MUSK: variants seen among roughly 807,000 people sequenced by gnomAD.
The protein encoded by MUSK is muscle, skeletal receptor tyrosine-protein kinase.
A neutral mutation model predicts 88.7 loss-of-function variants in MUSK; 55 were observed. The observed-to-expected ratio is 0.62, with a 90% CI of 0.50 to 0.78. The LOEUF is 0.78. Ranked by LOEUF, MUSK falls within the 30% of genes least tolerant of loss-of-function variation. MUSK has a pLI of 0.00. For synonymous variants in MUSK, 387 were observed against 391.9 expected, an observed-to-expected ratio of 0.99 and a Z score of 0.15; for missense variants, 1,015 against 1,074.3, an observed-to-expected ratio of 0.94 and a Z score of 0.77.
At chr9:110,743,219 C>CTTAA (rs1480345600) in intron 6 of MUSK, among the ~76,000 whole-genome samples, 1 of 152,170 alleles carries the variant, frequency 6.6e-6, no homozygotes, top group Non-Finnish European at 1.5e-5. Context: ...AACCAAAACC[C>CTTAA]TTAACAGTTA....
At position 110,784,908 on chromosome 9, in the gene MUSK, C is replaced by A; in HGVS notation, c.1478C>A (p.Ser493Tyr). ...TCCTTCTCTGTCTCACCTACATACTCCATGACTGTAATAATCTCCATCATG... is the reference window on the plus strand; with the variant it reads ...TCCTTCTCTGTCTCACCTACATACTACATGACTGTAATAATCTCCATCATG... ...SSSFSVSPTY[S>Y]MTVIISIMSS... is the part of the protein sequence containing the mutation. The change falls in exon 12 of 15, where the codon TCC (serine) becomes TAC (tyrosine). Residue 493 changes from serine to tyrosine, a missense_variant. Physicochemically the swap from Ser to Tyr is moderately radical, Grantham distance 144 (BLOSUM62 -2). Coordinates refer to ENST00000374448, the MANE Select transcript of MUSK (RefSeq NM_005592.4). The A allele has an allele frequency of 6.2e-7, 1 of 1,613,860 alleles. No individual in the cohort carries two copies. The highest frequency in any genetic ancestry group is 1.1e-5 in the South Asian group (1 of 91,088).
At chr9:110,721,689 G>A (rs914812322) in intron 5 of MUSK, among the ~76,000 whole-genome samples, 2 of 152,022 alleles carry the variant, frequency 1.3e-5, no homozygotes, top group African/African-American at 2.4e-5. Flanking sequence ...ATAATTCAAT[G>A]CAATTCCCAT....
chr9:110,751,219 T>C (rs989151029), intron 7 of MUSK, among the ~76,000 whole-genome samples: 1 of 152,196 alleles, frequency 6.6e-6, no homozygotes, highest in African/African-American at 2.4e-5. Flanking sequence ...ATTCCTGTCC[T>C]AGCCCAGATG....
rs1447900794 is a variant in MUSK, at chr9:110,681,068, A to C, written c.80-1606A>C. The stretch of plus-strand genomic sequence containing the variant: ...ATATATATTATATATTATATATATA[A>C]TATTATATATATTATATAATATATA... On this transcript the variant is annotated intron_variant, in intron 1 of 14. Coordinates refer to ENST00000374448, the MANE Select transcript of MUSK (RefSeq NM_005592.4). 1.6e-4 allele frequency among the ~76,000 whole-genome samples: 2 copies of C among 12,166 alleles called. 1 individual carries two copies. Among genetic ancestry groups the C allele is most frequent in the Non-Finnish European group, 3.0e-4 (2 of 6,626 alleles). The allele number at this position is 12,166 out of a possible 152,430, so 8.0% of individuals were successfully genotyped here.
chr9:110,778,799 A>G (rs1230793187), intron 11 of MUSK, among the ~76,000 whole-genome samples: 1 of 152,126 alleles, frequency 6.6e-6, no homozygotes, highest in Non-Finnish European at 1.5e-5. Context: ...CTCATGTGTA[A>G]TAAAGCTTAA....
intron 14 of MUSK, 67 bp downstream of exon 14, chr9:110,787,905 T>A (rs763567986): frequency 2.0e-6 from 3 of 1,526,588 alleles, no homozygotes; most frequent in Non-Finnish European, 1.8e-6. Context: ...TTTTCTCCCC[T>A]TGTTCGTGCT....
chr9:110,739,651 G>A (rs751711141), intron 6 of MUSK, among the ~76,000 whole-genome samples: 3 of 152,106 alleles, frequency 2.0e-5, no homozygotes, highest in African/African-American at 2.4e-5. Context: ...CCTTTCTTTG[G>A]AATGTGTAGG....
chr9:110,687,410 C>A (rs1026860453), intron 3 of MUSK, 142 bp downstream of exon 3: 1 of 907,298 alleles, frequency 1.1e-6, no homozygotes, highest in Non-Finnish European at 1.6e-6. Context: ...TCTCGGTTCA[C>A]TGCAACCTCC....
intron 1 of MUSK, among the ~76,000 whole-genome samples, chr9:110,669,765 T>G (rs975954706): frequency 6.6e-6 from 1 of 152,180 alleles, no homozygotes; most frequent in South Asian, 2.1e-4. Context: ...AGTCTGTGAT[T>G]TGCAAAGTGA....
intron 5 of MUSK, among the ~76,000 whole-genome samples, chr9:110,727,885 T>C (rs1796980205): frequency 6.6e-6 from 1 of 152,028 alleles, no homozygotes; most frequent in Admixed American, 6.6e-5. Flanking sequence ...CTAAGAAAGG[T>C]TCAAATTTAC....
intron 3 of MUSK, among the ~76,000 whole-genome samples, chr9:110,694,474 C>A (rs1190359865): frequency 1.3e-5 from 2 of 151,502 alleles, no homozygotes; most frequent in East Asian, 3.9e-4. Context: ...AACACCAAAG[C>A]CCCCATTCCT....
chr9:110,712,219 C>T (rs904308019), intron 5 of MUSK, among the ~76,000 whole-genome samples: 1 of 150,444 alleles, frequency 6.6e-6, no homozygotes, highest in Non-Finnish European at 1.5e-5. Flanking sequence ...GAGAAACTGA[C>T]ATTTTATCCA....
At chr9:110,791,236 G>A (rs370504559) in intron 14 of MUSK, among the ~76,000 whole-genome samples, 34 of 145,968 alleles carry the variant, frequency 2.3e-4, no homozygotes, top group African/African-American at 5.6e-4. Flanking sequence ...GACAGTGGGC[G>A]CAGGCCAGTG....
intron 14 of MUSK, among the ~76,000 whole-genome samples, 191 bp from the exon 15 acceptor site, chr9:110,800,115 A>T (rs2078068352): frequency 6.6e-6 from 1 of 152,186 alleles, no homozygotes; most frequent in Admixed American, 6.5e-5. Flanking sequence ...CACTACCCAG[A>T]GTGCATTTCC....
chr9:110,786,553 T>C (rs2077870240), intron 13 of MUSK, among the ~76,000 whole-genome samples: 1 of 152,082 alleles, frequency 6.6e-6, no homozygotes, highest in Admixed American at 6.6e-5. Flanking sequence ...TATTTCCTTT[T>C]CAGGAAAGAA....
intron 1 of MUSK, among the ~76,000 whole-genome samples, chr9:110,673,165 C>T (rs2075982157): frequency 6.6e-6 from 1 of 152,140 alleles, no homozygotes; most frequent in Non-Finnish European, 1.5e-5. Flanking sequence ...ACAATGTGGA[C>T]TTGGCATTCT....
chr9:110,771,068 G>A (rs906262877), intron 9 of MUSK, among the ~76,000 whole-genome samples: 1 of 149,434 alleles, frequency 6.7e-6, no homozygotes, highest in African/African-American at 2.5e-5. Context: ...ATAGTTCAGA[G>A]TTTGACAAAC....
rs148946394 is a variant in MUSK at position 110,800,458 on chromosome 9, C to T, written c.2080C>T (p.Pro694Ser). The change falls in exon 15 of 15, where the codon CCC (proline) becomes TCC (serine). Residue 694 changes from proline (P) to serine (S), a missense_variant. By Grantham distance (74) the Pro-to-Ser change is moderately conservative. Transcript: ENST00000374448. The stretch of plus-strand genomic sequence containing the variant: ...GAGGGCTCAGGTCTCCAGCCCTGGG[C>T]CCCCACCCCTCTCCTGTGCTGAGCA... ...SMRAQVSSPG[P>S]PPLSCAEQLC... The T allele has an allele frequency of 5.0e-6, 8 of 1,613,836 alleles. No homozygotes were observed. In the East Asian group the frequency reaches 1.3e-4, roughly 27 times the overall value.
intron 5 of MUSK, among the ~76,000 whole-genome samples, chr9:110,707,155 G>A (rs1461716535): frequency 1.3e-5 from 2 of 152,012 alleles, no homozygotes; most frequent in Admixed American, 6.6e-5. Flanking sequence ...TTCGAGACAA[G>A]CCTGGGTGAC....
Sources: gnomAD v4.1 joint callset for allele counts (sites outside exome capture counted in the v4.1 genomes callset) on GRCh38, gnomAD v4.1.1 for gene constraint, MANE v1.5 for transcripts, NCBI Gene and HGNC (gene_info 2026-07-23, HGNC 2026-07-21) for gene names.